Variants in TSPAN33 observed in about 807,000 individuals in gnomAD.
TSPAN33 encodes tetraspanin 33, also known as tetraspanin-33.
In TSPAN33, 27 loss-of-function variants were observed where a neutral mutation model predicts 34.8. The observed-to-expected ratio is 0.78, with a 90% CI of 0.57 to 1.07. The LOEUF is 1.07. Ranked by LOEUF, TSPAN33 falls within the 50% of genes least tolerant of loss-of-function variation. The pLI is 0.00. For synonymous variants in TSPAN33, 119 were observed against 124.2 expected, an observed-to-expected ratio of 0.96 and a Z score of 0.28; for missense variants, 272 against 324.9, an observed-to-expected ratio of 0.84 and a Z score of 1.25.
At chr7:129,163,392 G>T (rs967768947) in intron 4 of TSPAN33, among the ~76,000 whole-genome samples, 6 of 145,694 alleles carry the variant, frequency 4.1e-5, no homozygotes, top group Non-Finnish European at 8.9e-5. Flanking sequence ...GTCTCACTAG[G>T]TTGCCAGGCT....
In TSPAN33 at chr7:129,169,537, AAG is replaced by A. The variant is rs559367960; in HGVS notation, c.*1666_*1667del. 9 of 152,320 alleles carry A rather than the reference AAG, an allele frequency of 5.9e-5. No individual in the cohort carries two copies. The East Asian group carries it at 1.7e-3, about 29-fold the overall frequency. The allele number at this position is 152,320 out of a possible 1,614,324, so 9.4% of individuals were successfully genotyped here. ...CCTCGACCGAACTGCTGCGGGGACA[AAG>A]AGCCGCGAGTTCGCTCCCTGCCCCC... is the stretch of plus-strand genomic sequence containing the variant. On this transcript the variant is annotated 3_prime_UTR_variant, in exon 8 of 8. Coordinates refer to ENST00000486685, the MANE Select transcript of TSPAN33 (RefSeq NM_178562.5).
At position 129,167,932 on chromosome 7, in the gene TSPAN33, G is replaced by A. The variant is rs1230217270; in HGVS notation, c.*58G>A. ...TGGCAAGCCTCATAAACGAACAGCA[G>A]TGGGTGCTGAAAGCAGCACCAAATG... On this transcript the variant is annotated 3_prime_UTR_variant, in exon 8 of 8. Transcript: ENST00000486685. This position sits in a 1 kb window ranked among gnomAD's most constrained non-coding sequence, Gnocchi z 4.6. The A allele has an allele frequency of 1.4e-5, 23 of 1,591,252 alleles. No individual in the cohort carries two copies. The South Asian group carries it at 1.6e-4, about 11-fold the overall frequency.
At chr7:129,146,830 C>T (rs925263623) in intron 1 of TSPAN33, among the ~76,000 whole-genome samples, 9 of 152,188 alleles carry the variant, frequency 5.9e-5, no homozygotes, top group African/African-American at 1.2e-4. Flanking sequence ...GTCACTCTGA[C>T]TTCCTTTATC....
chr7:129,152,022 G>A (rs550888404), intron 1 of TSPAN33, among the ~76,000 whole-genome samples: 37 of 152,174 alleles, frequency 2.4e-4, no homozygotes, highest in African/African-American at 8.7e-4. Flanking sequence ...TCCAAATCGA[G>A]GGACATTCTG....
At chr7:129,147,341 AC>A (rs1226583859) in intron 1 of TSPAN33, among the ~76,000 whole-genome samples, 1 of 152,032 alleles carries the variant, frequency 6.6e-6, no homozygotes, top group East Asian at 1.9e-4. Flanking sequence ...CATTTTGGGG[AC>A]TGTTTTCTTT....
chr7:129,163,502 T>C (rs2694581), intron 4 of TSPAN33, among the ~76,000 whole-genome samples: 151,130 of 152,202 alleles, frequency 0.99, 75,046 homozygotes, highest in Middle Eastern at 1. Flanking sequence ...TAAAAGGTTT[T>C]GAACAATGCT....
At position 129,165,974 on chromosome 7, in the gene TSPAN33, T is replaced by C. The variant is rs139384292; in HGVS notation, c.460-804T>C. ...TTCCCTGAGACGGAGTCTTGCTCTG[T>C]TACCCAGGCTGGAGTACAATGGCGT... On this transcript the variant is annotated intron_variant, in intron 5 of 7. Transcript: ENST00000486685. This position sits in a 1 kb window ranked among gnomAD's most constrained non-coding sequence, Gnocchi z 4.5. Among the ~76,000 whole-genome samples the C allele has an allele frequency of 0.017, 2,535 of 152,070 alleles. 29 individuals carry two copies. Among genetic ancestry groups the C allele is most frequent in the East Asian group, 0.058 (296 of 5,146 alleles).
In TSPAN33 at chr7:129,149,306, C is replaced by T. The variant is rs374307977; in HGVS notation, c.102+4224C>T. Reference sequence around the variant, plus strand: ...GGCGCGGTGGCTCATGCCTGTAATCCCAGCACTTTGGGAGGCCGGGGCAGG... The same window carrying T: ...GGCGCGGTGGCTCATGCCTGTAATCTCAGCACTTTGGGAGGCCGGGGCAGG... On this transcript the variant is annotated intron_variant, in intron 1 of 7. Transcript: ENST00000486685. Among the ~76,000 whole-genome samples the T allele has an allele frequency of 2.6e-5, 4 of 152,246 alleles. No homozygotes were observed. The East Asian group carries it at 7.7e-4, about 29-fold the overall frequency.
Position 129,168,121 on chromosome 7 carries a change from G to T in TSPAN33, c.*247G>T. 1.5e-6 allele frequency: 1 copy of T among 666,204 alleles called. No individual in the cohort carries two copies. 41.3% of individuals were successfully genotyped at this position (666,204 alleles called of 1,614,324 possible). Reference sequence around the variant, plus strand: ...CCAGAGTGATACCCTTAAGTGTTTGGGTTTATGTTTTCAGTTTTGTTTGGG... The same window carrying T: ...CCAGAGTGATACCCTTAAGTGTTTGTGTTTATGTTTTCAGTTTTGTTTGGG... On this transcript the variant is annotated 3_prime_UTR_variant, in exon 8 of 8. Transcript: ENST00000486685.
intron 1 of TSPAN33, among the ~76,000 whole-genome samples, chr7:129,160,348 C>T (rs1010135787): frequency 1.3e-5 from 2 of 152,156 alleles, no homozygotes; most frequent in Non-Finnish European, 2.9e-5. Context: ...TGGTCAAGAC[C>T]CTGCTGCTGA....
At chr7:129,153,833 C>T (rs1354286955) in intron 1 of TSPAN33, among the ~76,000 whole-genome samples, 1 of 151,806 alleles carries the variant, frequency 6.6e-6, no homozygotes, top group Non-Finnish European at 1.5e-5. Flanking sequence ...CCCAGCTACT[C>T]AGGAGGCTGA....
At chr7:129,156,172 G>T (rs576104097) in intron 1 of TSPAN33, among the ~76,000 whole-genome samples, 22 of 152,284 alleles carry the variant, frequency 1.4e-4, no homozygotes, top group African/African-American at 5.1e-4. Flanking sequence ...ATTGGAACTT[G>T]CCTGCTGTTT....
At chr7:129,146,134 T>G (rs1321190698) in intron 1 of TSPAN33, among the ~76,000 whole-genome samples, 2 of 152,008 alleles carry the variant, frequency 1.3e-5, no homozygotes, top group Middle Eastern at 3.2e-3. Flanking sequence ...AAGTTCAGAC[T>G]TGCAGGAGGG....
chr7:129,154,685 A>G (rs4731558), intron 1 of TSPAN33, among the ~76,000 whole-genome samples: 151,193 of 152,320 alleles, frequency 0.99, 75,049 homozygotes, highest in Middle Eastern at 1. Context: ...AGGTTGCAGT[A>G]AGCCGAGATC....
chr7:129,168,868 T>C lies in TSPAN33; in HGVS notation c.*994T>C, dbSNP rs2150630187. 6.9e-6 allele frequency: 1 copy of C among 145,110 alleles called. No homozygotes were observed. The highest frequency in any genetic ancestry group is 2.2e-4 in the South Asian group (1 of 4,556). 9.0% of individuals were successfully genotyped at this position (145,110 alleles called of 1,614,324 possible). A position where few individuals can be genotyped will look rare whatever the true frequency, so the allele number is the denominator to read the frequency against. Reference sequence around the variant, plus strand: ...TCCATGAATTTTCCATTCTGGCAACTGGAAGGGGAGGTGTAGAAGGGCCCT... The same window carrying C: ...TCCATGAATTTTCCATTCTGGCAACCGGAAGGGGAGGTGTAGAAGGGCCCT... On this transcript the variant is annotated 3_prime_UTR_variant, in exon 8 of 8. Coordinates refer to ENST00000486685, the MANE Select transcript of TSPAN33 (RefSeq NM_178562.5).
chr7:129,154,121 C>G (rs1403987759), intron 1 of TSPAN33, among the ~76,000 whole-genome samples: 2 of 151,702 alleles, frequency 1.3e-5, no homozygotes, highest in Non-Finnish European at 2.9e-5. Context: ...CACCATATGC[C>G]AGGAGTTTAA....
Position 129,167,853 on chromosome 7 carries a change from C to G in TSPAN33, c.831C>G (p.His277Gln). 3.1e-6 allele frequency: 5 copies of G among 1,614,100 alleles called. No homozygotes were observed. The highest frequency in any genetic ancestry group is 4.2e-6 in the Non-Finnish European group (5 of 1,180,016). ...QIKLQLYNQQ[H>Q]RADPWY ...AGCTACAGCTCTACAACCAGCAGCA[C>G]CGGGCTGACCCATGGTACTGAGAAT... Residue 277 changes from histidine to glutamine, a missense_variant, in exon 8 of 8, where the codon CAC (histidine) becomes CAG (glutamine). Coordinates refer to ENST00000486685, the MANE Select transcript of TSPAN33 (RefSeq NM_178562.5). The surrounding 1 kb of genome is among the most constrained non-coding windows in gnomAD (Gnocchi z 4.6).
intron 1 of TSPAN33, among the ~76,000 whole-genome samples, chr7:129,149,728 A>G (rs1584634185): frequency 6.6e-6 from 1 of 152,342 alleles, no homozygotes; most frequent in South Asian, 2.1e-4. Flanking sequence ...CCTGAGGAAG[A>G]TGCCAAAGGC....
intron 3 of TSPAN33, 82 bp from the exon 4 acceptor site, chr7:129,162,751 C>T: frequency 6.6e-7 from 1 of 1,506,158 alleles, no homozygotes; most frequent in South Asian, 1.2e-5. Flanking sequence ...AATTGCCTGG[C>T]AGCTCCCAGC....
Sources: gnomAD v4.1 joint callset for allele counts (sites outside exome capture counted in the v4.1 genomes callset) on GRCh38, gnomAD v4.1.1 for gene constraint, Gnocchi (gnomAD v3.1) non-coding constraint, MANE v1.5 for transcripts, NCBI Gene and HGNC (gene_info 2026-07-23, HGNC 2026-07-21) for gene names.